The following GIT1 variants were observed in gnomAD, a reference collection of about 807,000 sequenced individuals.
GIT1 encodes ARF GTPase-activating protein GIT1.
Under a neutral mutation model 91.7 loss-of-function variants are expected in GIT1, and 14 were observed. That is an observed-to-expected ratio of 0.15 (90% CI 0.10 to 0.24). GIT1 has a LOEUF of 0.24. GIT1 is among the 10% of genes least tolerant of loss of function. The probability of loss-of-function intolerance (pLI) is 1.00; values close to 1 mark genes in which losing one functional copy is unlikely to be tolerated. For synonymous variants in GIT1, 414 were observed against 418.2 expected, an observed-to-expected ratio of 0.99 and a Z score of 0.12; for missense variants, 717 against 1,024.9, an observed-to-expected ratio of 0.70 and a Z score of 4.10.
rs1037044435 is a variant in GIT1, at chr17:29,581,668, G to A, written c.718+74C>T. ...CTCTGTCACCATGGCACCTGCTGCC[G>A]GGTGCGTCCAGGTCCCACCTGCCCA... On this transcript the variant is annotated intron_variant, in intron 6 of 19. Transcript: ENST00000225394. This position sits in a 1 kb window ranked among gnomAD's most constrained non-coding sequence, Gnocchi z 4.8. The A allele has an allele frequency of 5.8e-5, 66 of 1,135,006 alleles. No individual in the cohort carries two copies. The highest frequency in any genetic ancestry group is 9.6e-5 in the East Asian group (4 of 41,686). The allele number at this position is 1,135,006 out of a possible 1,614,324, so 70.3% of individuals were successfully genotyped here. A position where few individuals can be genotyped will look rare whatever the true frequency, so the allele number is the denominator to read the frequency against.
intron 1 of GIT1, among the ~76,000 whole-genome samples, chr17:29,586,652 C>A (rs1210170253): frequency 6.6e-6 from 1 of 152,170 alleles, no homozygotes. Context: ...GCCTTGCTCA[C>A]CAGAGATACC....
chr17:29,580,008 A>G (rs765947074), intron 7 of GIT1, among the ~76,000 whole-genome samples: 46 of 152,154 alleles, frequency 3.0e-4, no homozygotes, highest in Non-Finnish European at 5.4e-4. Context: ...CCTGCCTCCC[A>G]TGCTGTGCTC....
In GIT1 at chr17:29,576,889, C is replaced by T. The variant is rs190976550; in HGVS notation, c.1201G>A (p.Gly401Ser). Reference sequence around the variant, plus strand: ...CGGGCCCGGTTGCTCCGAGTGGCGCCGGTGCTGCGCAGGGGCTCCTGGTCT... The same window carrying T: ...CGGGCCCGGTTGCTCCGAGTGGCGCTGGTGCTGCGCAGGGGCTCCTGGTCT... ...DTDQEPLRSTGATRSNRARSM... is the reference protein window; with the variant it reads ...DTDQEPLRSTSATRSNRARSM... The change falls in exon 12 of 20, where the codon GGC becomes AGC. Residue 401 changes from glycine (G) to serine (S), a missense_variant. Coordinates refer to ENST00000225394, the MANE Select transcript of GIT1 (RefSeq NM_014030.4). The T allele has an allele frequency of 1.5e-5, 24 of 1,575,326 alleles. No individual in the cohort carries two copies. The highest frequency in any genetic ancestry group is 4.0e-5 in the African/African-American group (3 of 74,448).
At chr17:29,578,194 G>A in intron 9 of GIT1, 105 bp downstream of exon 9, 1 of 934,046 alleles carries the variant, frequency 1.1e-6, no homozygotes, top group South Asian at 1.3e-5. Flanking sequence ...AGGCCTCTGA[G>A]CAGCCCCAAC....
chr17:29,574,026 C>G lies in GIT1; in HGVS notation c.*676G>C, dbSNP rs2150816536. 6.6e-6 allele frequency: 1 copy of G among 152,626 alleles called. No homozygotes were observed. The highest frequency in any genetic ancestry group is 2.1e-4 in the South Asian group (1 of 4,834). The allele number at this position is 152,626 out of a possible 1,614,324, so 9.5% of individuals were successfully genotyped here. ...CTCACCCCTCAAAACTCCAGATGGACCAGGCCTCCGGAACGGCACTGCCGC... is the reference window on the plus strand; with the variant it reads ...CTCACCCCTCAAAACTCCAGATGGAGCAGGCCTCCGGAACGGCACTGCCGC... On this transcript the variant is annotated 3_prime_UTR_variant, in exon 20 of 20. Transcript: ENST00000225394.
rs542450057 is a variant in GIT1 at position 29,581,836 on chromosome 17, C to T, written c.624G>A (p.Arg208=). 5.1e-4 allele frequency: 822 copies of T among 1,612,186 alleles called. 9 individuals are homozygous for T. The South Asian group carries it at 8.8e-3, about 17-fold the overall frequency. ...CCGCCAGCTCATGGTGCCCCGCCTG[C>T]CTGTGAGGAGGGGGTATGGCTCAGA... ...VNGRTPIDYA[R]QAGHHELAER... Residue 208 remains arginine (R), a splice_region_variant and synonymous_variant, in exon 6 of 20, where the codon AGG becomes AGA. Transcript: ENST00000225394. This position sits in a 1 kb window ranked among gnomAD's most constrained non-coding sequence, Gnocchi z 4.8.
At chr17:29,578,467 GCCTT>G (rs2033288818) in intron 8 of GIT1, 96 bp from the exon 9 acceptor site, 3 of 1,176,180 alleles carry the variant, frequency 2.6e-6, no homozygotes, top group Admixed American at 1.7e-5. Flanking sequence ...GGAACCGGTG[GCCTT>G]CCTTGTGCTG....
chr17:29,578,976 C>G, intron 7 of GIT1, 197 bp from the exon 8 acceptor site: 1 of 1,613,992 alleles, frequency 6.2e-7, no homozygotes, highest in Non-Finnish European at 8.5e-7. Flanking sequence ...GAGACATGCA[C>G]TTTTGCCGAG....
intron 7 of GIT1, 65 bp from the exon 8 acceptor site, chr17:29,578,844 C>G (rs2033303328): frequency 7.6e-6 from 12 of 1,570,370 alleles, no homozygotes; most frequent in Non-Finnish European, 9.6e-6. Context: ...CAGGCCCATG[C>G]CAGCAACCTC....
chr17:29,583,804 G>A (rs1281748369), intron 1 of GIT1, 188 bp from the exon 2 acceptor site: 6 of 632,156 alleles, frequency 9.5e-6, no homozygotes, highest in South Asian at 2.0e-5. Flanking sequence ...GCTCACAGCT[G>A]GGGGCTGACA....
At chr17:29,579,150 C>G in intron 7 of GIT1, 2 of 650,390 alleles carry the variant, frequency 3.1e-6, no homozygotes, top group South Asian at 3.6e-5. Context: ...TCCCCCACCC[C>G]TCCTCCTCTG....
intron 7 of GIT1, among the ~76,000 whole-genome samples, chr17:29,579,990 T>C (rs1025018935): frequency 6.6e-6 from 1 of 152,150 alleles, no homozygotes; most frequent in African/African-American, 2.4e-5. Flanking sequence ...GTCTTGCTTG[T>C]AGGGTTCCCT....
At chr17:29,588,364 T>G (rs375939528) in intron 1 of GIT1, among the ~76,000 whole-genome samples, 1 of 152,152 alleles carries the variant, frequency 6.6e-6, no homozygotes, top group African/African-American at 2.4e-5. Flanking sequence ...TCCTCCCTCA[T>G]CAGAAGGGAG....
At position 29,581,466 on chromosome 17, in the gene GIT1, C is replaced by T; in HGVS notation, c.719-86G>A. 1 of 1,075,152 alleles carries T rather than the reference C, an allele frequency of 9.3e-7. No individual in the cohort carries two copies. Among genetic ancestry groups the T allele is most frequent in the South Asian group, 1.3e-5 (1 of 79,550 alleles). The allele number at this position is 1,075,152 out of a possible 1,614,324, so 66.6% of individuals were successfully genotyped here. A position where few individuals can be genotyped will look rare whatever the true frequency, so the allele number is the denominator to read the frequency against. On this transcript the variant is annotated intron_variant, in intron 6 of 19. Transcript: ENST00000225394. The surrounding 1 kb of genome is among the most constrained non-coding windows in gnomAD (Gnocchi z 4.8). Reference sequence around the variant, plus strand: ...GCCCACCTCACTGCCATGAGCAGGGCTGGCACCCAGAAGTGTCAGGGGAAA... The same window carrying T: ...GCCCACCTCACTGCCATGAGCAGGGTTGGCACCCAGAAGTGTCAGGGGAAA...
chr17:29,589,252 G>T lies in GIT1; in HGVS notation c.52+75C>A, dbSNP rs374932317. On this transcript the variant is annotated intron_variant, in intron 1 of 19. Transcript: ENST00000225394. This position sits in a 1 kb window ranked among gnomAD's most constrained non-coding sequence, Gnocchi z 5.2. ...GCCCAGCCCTCCGGCCCCGCACAGCGCTCTTGCCAGGCCCCGGCGCCCGCC... is the reference window on the plus strand; with the variant it reads ...GCCCAGCCCTCCGGCCCCGCACAGCTCTCTTGCCAGGCCCCGGCGCCCGCC... 1 of 420,710 alleles carries T rather than the reference G, an allele frequency of 2.4e-6. No homozygotes were observed. Among genetic ancestry groups the T allele is most frequent in the Non-Finnish European group, 3.2e-6 (1 of 312,916 alleles). 26.1% of individuals were successfully genotyped at this position (420,710 alleles called of 1,614,324 possible). A position where few individuals can be genotyped will look rare whatever the true frequency, so the allele number is the denominator to read the frequency against.
At position 29,575,529 on chromosome 17, in the gene GIT1, G is replaced by A; in HGVS notation, c.1827-59C>T. 1 of 1,563,192 alleles carries A rather than the reference G, an allele frequency of 6.4e-7. No homozygotes were observed. The highest frequency in any genetic ancestry group is 8.7e-7 in the Non-Finnish European group (1 of 1,145,932). ...TACATATAGAGAAAGACACGTTCCA[G>A]CCTCGGAGCCGCCCGCCTTGGTCCT... On this transcript the variant is annotated intron_variant, in intron 17 of 19. Transcript: ENST00000225394. This position sits in a 1 kb window ranked among gnomAD's most constrained non-coding sequence, Gnocchi z 5.5.
chr17:29,582,966 C>T lies in GIT1; in HGVS notation c.258G>A (p.Val86=). ...GGTTGGCTTTACGCCGGCCGCTCTG[C>T]ACTTGTGCGGGGTCCAGCAGGGAGT... ...WEHSLLDPAQ[V]QSGRRKANPQ... The change falls in exon 3 of 20, where the codon GTG becomes GTA. Residue 86 remains valine (V), a synonymous_variant. Coordinates refer to ENST00000225394, the MANE Select transcript of GIT1 (RefSeq NM_014030.4). 1.2e-6 allele frequency: 2 copies of T among 1,612,402 alleles called. No individual in the cohort carries two copies. The highest frequency in any genetic ancestry group is 1.7e-6 in the Non-Finnish European group (2 of 1,179,800).
Position 29,575,364 on chromosome 17 carries a change from C to T in GIT1, c.1933G>A (p.Val645Ile). Residue 645 changes from valine to isoleucine, a missense_variant, in exon 18 of 20, where the codon GTC (valine) becomes ATC (isoleucine). Val to Ile is a conservative substitution (Grantham distance 29). Around this residue, in one of 3 missense-constraint regions of GIT1, gnomAD observed 134 missense variants for 223.8 expected, o/e 0.60. Coordinates refer to ENST00000225394, the MANE Select transcript of GIT1 (RefSeq NM_014030.4). This position sits in a 1 kb window ranked among gnomAD's most constrained non-coding sequence, Gnocchi z 5.5. ...LDPGLPSTEDVILKTEQVTKN... is the reference protein window; with the variant it reads ...LDPGLPSTEDIILKTEQVTKN... ...GTGACCTGCTCTGTCTTCAAGATGA[C>T]ATCCTCTGTGCTGGGAAGCCCAGGA... is the stretch of plus-strand genomic sequence containing the variant. 6.2e-7 allele frequency: 1 copy of T among 1,613,778 alleles called. No homozygotes were observed. Among genetic ancestry groups the T allele is most frequent in the Non-Finnish European group, 8.5e-7 (1 of 1,179,894 alleles).
At chr17:29,583,871 A>G (rs1035736838) in intron 1 of GIT1, 1 of 480,008 alleles carries the variant, frequency 2.1e-6, no homozygotes, top group Admixed American at 3.7e-5. Context: ...CCCAGGGCCC[A>G]TTCAGCAGGC....
Sources: allele counts gnomAD v4.1 joint callset (sites outside exome capture counted in the v4.1 genomes callset), GRCh38; gene constraint gnomAD v4.1.1; regional missense constraint gnomAD v4.1.1; non-coding constraint Gnocchi (gnomAD v3.1); transcripts MANE v1.5; gene names NCBI Gene and HGNC (gene_info 2026-07-23, HGNC 2026-07-21).